Variants in ANK3 observed in about 807,000 individuals in gnomAD.
ANK3 encodes ankyrin-3.
ANK3 carries 57 observed loss-of-function variants against 370.9 expected under a neutral mutation model. That is an observed-to-expected ratio of 0.15 (90% CI 0.12 to 0.19). The LOEUF (loss-of-function observed/expected upper bound fraction) is 0.19. Among genes scored for constraint, ANK3 ranks in the 10% least tolerant of loss-of-function variants. The pLI is 1.00. For missense variants in ANK3, 4,439 were observed against 5,302.1 expected (o/e 0.84, Z 5.06); for synonymous variants, 1,929 against 1,946.3 (o/e 0.99, Z 0.23).
chr10:60,050,797 C>T (rs945789969), intron 42 of ANK3: 9 of 151,506 alleles, frequency 5.9e-5, no homozygotes, highest in African/African-American at 1.7e-4. Context: ...TCAATTGTGC[C>T]GTAATAGGGA....
intron 1 of ANK3, among the ~76,000 whole-genome samples, chr10:60,334,497 G>A (rs1284447336): frequency 6.6e-6 from 1 of 152,098 alleles, no homozygotes; most frequent in African/African-American, 2.4e-5. Flanking sequence ...AGGTGCAGAG[G>A]AGCAGAGCTG....
intron 1 of ANK3, among the ~76,000 whole-genome samples, chr10:60,326,892 C>T (rs1566604660): frequency 6.6e-6 from 1 of 151,002 alleles, no homozygotes; most frequent in African/African-American, 2.5e-5. Context: ...GCGGTGCGGG[C>T]GCCTTTAGTC....
At chr10:60,336,360 G>A (rs1391318878) in intron 1 of ANK3, among the ~76,000 whole-genome samples, 5 of 152,094 alleles carry the variant, frequency 3.3e-5, no homozygotes, top group African/African-American at 7.2e-5. Context: ...TTCTCATAAC[G>A]TACCCCTCAA....
chr10:60,613,982 G>A (rs956588398), intron 2 of ANK3, among the ~76,000 whole-genome samples: 6 of 152,096 alleles, frequency 3.9e-5, no homozygotes, highest in African/African-American at 1.4e-4. Flanking sequence ...ACTGAGGCAG[G>A]AGAATTGTTT....
At chr10:60,209,592 A>C (rs943467830) in intron 9 of ANK3, among the ~76,000 whole-genome samples, 2 of 152,340 alleles carry the variant, frequency 1.3e-5, no homozygotes, top group Middle Eastern at 3.4e-3. Context: ...CTGTCAGCCC[A>C]TCAGGATATT....
intron 1 of ANK3, among the ~76,000 whole-genome samples, chr10:60,319,096 C>T (rs1203452819): frequency 6.6e-6 from 1 of 152,106 alleles, no homozygotes; most frequent in African/African-American, 2.4e-5. Flanking sequence ...ATTGTTGTTG[C>T]AAATGATTAC....
intron 1 of ANK3, among the ~76,000 whole-genome samples, chr10:60,301,580 T>C (rs949646009): frequency 6.6e-6 from 1 of 151,806 alleles, no homozygotes; most frequent in Non-Finnish European, 1.5e-5. Flanking sequence ...GTCTGGCTAA[T>C]TTTTGTATTT....
intron 17 of ANK3, among the ~76,000 whole-genome samples, chr10:60,183,829 G>C (rs552797276): frequency 6.7e-6 from 1 of 149,918 alleles, no homozygotes; most frequent in Non-Finnish European, 1.5e-5. Context: ...TTGCACTCCA[G>C]CCTGGGCAAC....
At chr10:60,126,611 C>T (rs975741855) in intron 25 of ANK3, among the ~76,000 whole-genome samples, 1 of 151,704 alleles carries the variant, frequency 6.6e-6, no homozygotes, top group African/African-American at 2.4e-5. Context: ...CTGCTTGAAT[C>T]CGGGAGGTAG....
At chr10:60,471,226 A>G (rs2065211152) in intron 2 of ANK3, among the ~76,000 whole-genome samples, 1 of 152,170 alleles carries the variant, frequency 6.6e-6, no homozygotes, top group South Asian at 2.1e-4. Context: ...ATTGGTCCCT[A>G]TCTTCAAGGA....
rs747386150 is a variant in ANK3 at position 60,071,933 on chromosome 10, G to A, written c.8948C>T (p.Ser2983Leu). ...TGATAGTTCATGTTTTGGAAATGCC[G>A]ACTGTTCACAAAAACCATCGGGAAT... is the stretch of plus-strand genomic sequence containing the variant. ...SNIPDGFCEQSAFPKHELSQK... is the reference protein window; with the variant it reads ...SNIPDGFCEQLAFPKHELSQK... Residue 2983 changes from serine (S) to leucine (L), a missense_variant, in exon 37 of 44, where the codon TCG becomes TTG. Ser to Leu is a moderately radical substitution (Grantham distance 145). Coordinates refer to ENST00000280772, the MANE Select transcript of ANK3 (RefSeq NM_020987.5). 29 of 1,613,856 alleles carry A rather than the reference G, an allele frequency of 1.8e-5. No homozygotes were observed. The highest frequency in any genetic ancestry group is 2.2e-5 in the East Asian group (1 of 44,882).
intron 23 of ANK3, among the ~76,000 whole-genome samples, chr10:60,156,892 T>C (rs2095346026): frequency 6.6e-6 from 1 of 152,090 alleles, no homozygotes; most frequent in South Asian, 2.1e-4. Flanking sequence ...TATCAACAAA[T>C]GTCTACAAGC....
At chr10:60,386,963 C>A (rs925588477) in intron 1 of ANK3, among the ~76,000 whole-genome samples, 1 of 152,056 alleles carries the variant, frequency 6.6e-6, no homozygotes, top group African/African-American at 2.4e-5. Flanking sequence ...TGTTTAAGAC[C>A]AGCCTGGCCA....
At chr10:60,129,342 C>G (rs564264319) in intron 25 of ANK3, among the ~76,000 whole-genome samples, 1 of 152,308 alleles carries the variant, frequency 6.6e-6, no homozygotes, top group South Asian at 2.1e-4. Context: ...TGGGCACCCC[C>G]AGTTAAGAAT....
chr10:60,587,156 C>T (rs534769252), intron 2 of ANK3, among the ~76,000 whole-genome samples: 1 of 152,208 alleles, frequency 6.6e-6, no homozygotes, highest in African/African-American at 2.4e-5. Flanking sequence ...GGAACTATCA[C>T]TTATAAAGCC....
chr10:60,558,897 C>G (rs2077270375), intron 2 of ANK3, among the ~76,000 whole-genome samples: 1 of 152,034 alleles, frequency 6.6e-6, no homozygotes, highest in South Asian at 2.1e-4. Context: ...TTACATATTA[C>G]TTTTACCATC....
chr10:60,719,586 G>A (rs1052072978), intron 1 of ANK3, among the ~76,000 whole-genome samples: 1 of 152,040 alleles, frequency 6.6e-6, no homozygotes, highest in Non-Finnish European at 1.5e-5. Context: ...TTTATGATTT[G>A]TTAATGTATT....
intron 1 of ANK3, among the ~76,000 whole-genome samples, chr10:60,709,611 G>C (rs1042438893): frequency 6.6e-6 from 1 of 152,010 alleles, no homozygotes; most frequent in African/African-American, 2.4e-5. Context: ...GATCCCTTGA[G>C]CCCAAGCGTT....
At chr10:60,554,563 T>C (rs1235668689) in intron 2 of ANK3, among the ~76,000 whole-genome samples, 1 of 152,130 alleles carries the variant, frequency 6.6e-6, no homozygotes, top group African/African-American at 2.4e-5. Context: ...AGGAAGTAAA[T>C]GAATGCATTC....
Sources: allele counts gnomAD v4.1 joint callset (sites outside exome capture counted in the v4.1 genomes callset), GRCh38; gene constraint gnomAD v4.1.1; transcripts MANE v1.5; gene names NCBI Gene and HGNC (gene_info 2026-07-23, HGNC 2026-07-21).